The following PBRM1 variants were observed in gnomAD, a reference collection of about 807,000 sequenced individuals.
The protein encoded by PBRM1 is polybromo 1, also known as protein polybromo-1.
PBRM1 carries 27 observed loss-of-function variants against 194.5 expected under a neutral mutation model. The ratio of observed to expected loss-of-function variants is 0.14; its 90% CI spans 0.10 to 0.19. The LOEUF (loss-of-function observed/expected upper bound fraction) is 0.19. Among genes scored for constraint, PBRM1 ranks in the 10% least tolerant of loss-of-function variants. The pLI, the probability that PBRM1 is intolerant of heterozygous loss-of-function variation, is 1.00. For synonymous variants in PBRM1, 655 were observed against 693.2 expected (o/e 0.94, Z 0.87); for missense variants, 1,466 against 2,077.2 (o/e 0.71, Z 5.72).
downstream of PBRM1, chr3:52,545,763 G>T: frequency 4.3e-6 from 1 of 233,028 alleles, no homozygotes; most frequent in African/African-American, 2.2e-5. Flanking sequence ...AAAACATTTA[G>T]GCCATTATAC....
intron 10 of PBRM1, among the ~76,000 whole-genome samples, chr3:52,636,474 T>A (rs987655903): frequency 2.6e-5 from 4 of 151,754 alleles, no homozygotes; most frequent in African/African-American, 9.7e-5. Context: ...ATTAAGAATT[T>A]AGGCTGGGCA....
At chr3:52,610,097 A>C in intron 15 of PBRM1, 142 bp from the exon 18 acceptor site, 1 of 497,582 alleles carries the variant, frequency 2.0e-6, no homozygotes, top group East Asian at 3.3e-5. Flanking sequence ...TATAACCTGC[A>C]GACAAAAAAG....
chr3:52,629,480 G>A (rs1206914677), intron 11 of PBRM1, among the ~76,000 whole-genome samples: 4 of 152,058 alleles, frequency 2.6e-5, no homozygotes, highest in African/African-American at 9.7e-5. Flanking sequence ...AGTTCATAAG[G>A]GTTAAAGAGA....
intron 13 of PBRM1, among the ~76,000 whole-genome samples, chr3:52,622,200 G>A (rs1053199810): frequency 3.3e-5 from 5 of 151,984 alleles, no homozygotes; most frequent in African/African-American, 1.2e-4. Flanking sequence ...TTAGCTGGGT[G>A]TGGTGGCGTG....
chr3:52,655,874 C>T (rs1024364474), intron 5 of PBRM1, among the ~76,000 whole-genome samples: 2 of 152,192 alleles, frequency 1.3e-5, no homozygotes, highest in Non-Finnish European at 2.9e-5. Flanking sequence ...TATCTATGAC[C>T]ACCCAGCATG....
chr3:52,605,737 G>A (rs2153379610), intron 16 of PBRM1, among the ~76,000 whole-genome samples: 1 of 151,698 alleles, frequency 6.6e-6, no homozygotes, highest in African/African-American at 2.4e-5. Flanking sequence ...CAAGTAGCTG[G>A]GATTATAGGC....
Position 52,608,601 on chromosome 3 carries a change from G to C in PBRM1, c.2567+712C>G, listed in dbSNP as rs7649593. 8.2e-3 allele frequency among the ~76,000 whole-genome samples: 1,245 copies of C among 151,588 alleles called. 23 individuals are homozygous for C. Among genetic ancestry groups the C allele is most frequent in the African/African-American group, 0.029 (1,188 of 41,364 alleles). On this transcript the variant is annotated intron_variant, in intron 16 of 29. Coordinates refer to ENST00000296302, the Ensembl canonical transcript of PBRM1. ...GAAGGTCTAGTTCTAAACATGATAG[G>C]CTGTAAGCTCCAGGAAGGTAAGGTT...
chr3:52,562,382 T>C (rs6778844), intron 24 of PBRM1, among the ~76,000 whole-genome samples: 51,055 of 151,234 alleles, frequency 0.34, 9,628 homozygotes, highest in Admixed American at 0.46. Flanking sequence ...CACTAGTTAC[T>C]GCTTTATTGA....
At chr3:52,639,946 G>C (rs1227159136) in intron 10 of PBRM1, among the ~76,000 whole-genome samples, 1 of 152,144 alleles carries the variant, frequency 6.6e-6, no homozygotes, top group Non-Finnish European at 1.5e-5. Context: ...GAAGAAGTGT[G>C]TTCAAATCTC....
At chr3:52,555,600 C>T (rs2082059560) in intron 26 of PBRM1, among the ~76,000 whole-genome samples, 1 of 152,318 alleles carries the variant, frequency 6.6e-6, no homozygotes, top group Admixed American at 6.5e-5. Flanking sequence ...TACACACAGA[C>T]TTTACGGAGG....
chr3:52,615,428 T>C, exon 15 of PBRM1: 1 of 1,607,426 alleles, frequency 6.2e-7, no homozygotes, highest in Non-Finnish European at 8.5e-7. Flanking sequence ...CTTGAGTAAC[T>C]TCTCCAGGAT....
intron 7 of PBRM1, among the ~76,000 whole-genome samples, chr3:52,646,691 A>G (rs956337992): frequency 3.9e-5 from 6 of 152,174 alleles, no homozygotes; most frequent in African/African-American, 1.4e-4. Context: ...TGCTGGGATA[A>G]TATCTCATAT....
intron 10 of PBRM1, among the ~76,000 whole-genome samples, chr3:52,636,914 A>C (rs2095845656): frequency 6.6e-6 from 1 of 151,758 alleles, no homozygotes; most frequent in South Asian, 2.1e-4. Flanking sequence ...TACCAGCCTC[A>C]GGTAATCCTA....
At chr3:52,596,954 C>T (rs2093612179) in intron 17 of PBRM1, among the ~76,000 whole-genome samples, 1 of 152,190 alleles carries the variant, frequency 6.6e-6, no homozygotes, top group South Asian at 2.1e-4. Context: ...TTATTTAGGA[C>T]CCCAGAGCCC....
downstream of PBRM1, chr3:52,547,564 A>G (rs2079839034): frequency 8.6e-6 from 2 of 233,488 alleles, no homozygotes; most frequent in Non-Finnish European, 1.7e-5. Flanking sequence ...CACATGAAAC[A>G]AACACAAGTA....
Position 52,609,242 on chromosome 3 carries a change from G to T in PBRM1, c.2567+71C>A. ...ATGTAAGTGGAAATAGTACATCAAA[G>T]CAATATTCTTTCATCTGTTTTGTAT... On this transcript the variant is annotated intron_variant, in intron 16 of 29. Transcript: ENST00000296302. This position sits in a 1 kb window ranked among gnomAD's most constrained non-coding sequence, Gnocchi z 4.1. The T allele has an allele frequency of 8.4e-7, 1 of 1,193,008 alleles. No individual in the cohort carries two copies. Among genetic ancestry groups the T allele is most frequent in the Non-Finnish European group, 1.2e-6 (1 of 831,040 alleles). The allele number at this position is 1,193,008 out of a possible 1,614,324, so 73.9% of individuals were successfully genotyped here.
Position 52,550,655 on chromosome 3 carries a change from C to T in PBRM1, c.4681-18G>A. Reference sequence around the variant, plus strand: ...ACTCCCACCTGAAAGAGCACAGGACCACATGGTGAGGCAAAAAGAGACTCT... The same window carrying T: ...ACTCCCACCTGAAAGAGCACAGGACTACATGGTGAGGCAAAAAGAGACTCT... On this transcript the variant is annotated intron_variant, in intron 28 of 29. Coordinates refer to ENST00000296302, the Ensembl canonical transcript of PBRM1. The T allele has an allele frequency of 6.4e-7, 1 of 1,561,890 alleles. No homozygotes were observed.
At chr3:52,576,508 A>G (rs1481658108) in intron 22 of PBRM1, 33 bp downstream of exon 24, 1 of 1,554,372 alleles carries the variant, frequency 6.4e-7, no homozygotes, top group African/African-American at 1.4e-5. Context: ...TGATGGAATA[A>G]ACACGATTAA....
At chr3:52,605,313 G>C (rs2094278457) in intron 16 of PBRM1, among the ~76,000 whole-genome samples, 2 of 152,010 alleles carry the variant, frequency 1.3e-5, no homozygotes, top group Admixed American at 1.3e-4. Context: ...CTTCCAAAGT[G>C]CTTAAATTAC....
Sources: gnomAD v4.1 joint callset for allele counts (sites outside exome capture counted in the v4.1 genomes callset) on GRCh38, gnomAD v4.1.1 for gene constraint, Gnocchi (gnomAD v3.1) non-coding constraint, MANE v1.5 for transcripts, NCBI Gene and HGNC (gene_info 2026-07-23, HGNC 2026-07-21) for gene names.